Variants in OXR1 observed in about 807,000 individuals in gnomAD.
The protein encoded by OXR1 is oxidation resistance 1, also known as oxidation resistance protein 1.
Under a neutral mutation model 104.6 loss-of-function variants are expected in OXR1, and 41 were observed. The ratio of observed to expected loss-of-function variants is 0.39; its 90% CI spans 0.31 to 0.51. OXR1 has a LOEUF of 0.51. OXR1 is among the 20% of genes least tolerant of loss of function. The probability of loss-of-function intolerance (pLI) is 0.77; values close to 1 mark genes in which losing one functional copy is unlikely to be tolerated. For synonymous variants in OXR1, 348 were observed against 348.4 expected, an observed-to-expected ratio of 1.00 and a Z score of 0.01; for missense variants, 955 against 1,031.9, an observed-to-expected ratio of 0.93 and a Z score of 1.02.
chr8:106,443,638 A>G (rs1819885705), intron 2 of OXR1, among the ~76,000 whole-genome samples: 1 of 152,118 alleles, frequency 6.6e-6, no homozygotes, highest in Admixed American at 6.6e-5. Flanking sequence ...TTCTTGTTGA[A>G]TTGTTCCCTT....
At chr8:106,271,361 C>T (rs72678523) in intron 1 of OXR1, among the ~76,000 whole-genome samples, 12,481 of 152,066 alleles carry the variant, frequency 0.082, 705 homozygotes, top group East Asian at 0.24. Flanking sequence ...GCTCGGGCTT[C>T]CGTTCAGTGG....
At chr8:106,401,389 T>C (rs896395481) in intron 2 of OXR1, among the ~76,000 whole-genome samples, 1 of 152,190 alleles carries the variant, frequency 6.6e-6, no homozygotes, top group African/African-American at 2.4e-5. Flanking sequence ...TAAGGCCTGG[T>C]AACTGTTTCT....
At chr8:106,421,660 A>T (rs577063988) in intron 2 of OXR1, among the ~76,000 whole-genome samples, 1 of 152,282 alleles carries the variant, frequency 6.6e-6, no homozygotes, top group East Asian at 1.9e-4. Context: ...TTATGTTCTC[A>T]TGGTGATCTC....
intron 3 of OXR1, among the ~76,000 whole-genome samples, chr8:106,551,918 C>T (rs1003167691): frequency 3.7e-5 from 5 of 135,270 alleles, no homozygotes; most frequent in South Asian, 2.4e-4. Flanking sequence ...ATATATATAG[C>T]GGCCATGGTG....
chr8:106,420,440 G>T (rs1006701338), intron 2 of OXR1, among the ~76,000 whole-genome samples: 12 of 151,466 alleles, frequency 7.9e-5, no homozygotes, highest in African/African-American at 2.4e-4. Context: ...GTTACTTAGG[G>T]TTTTTGTCAT....
intron 1 of OXR1, among the ~76,000 whole-genome samples, chr8:106,294,365 C>A (rs118110185): frequency 0.033 from 3,931 of 120,690 alleles, 80 homozygotes; most frequent in Middle Eastern, 0.14. Context: ...CATTGCACTC[C>A]AACTTGGGCG....
At chr8:106,553,853 A>T (rs760604514) in intron 3 of OXR1, among the ~76,000 whole-genome samples, 2 of 152,024 alleles carry the variant, frequency 1.3e-5, no homozygotes, top group Non-Finnish European at 2.9e-5. Flanking sequence ...ATACTTTCTT[A>T]CCCATTACCT....
At chr8:106,574,155 TG>T (rs1191911975) in intron 3 of OXR1, among the ~76,000 whole-genome samples, 4 of 152,228 alleles carry the variant, frequency 2.6e-5, no homozygotes, top group African/African-American at 9.6e-5. Flanking sequence ...CAGCTGCTTC[TG>T]CCAGATAGAA....
chr8:106,440,319 A>G (rs1258176807), intron 2 of OXR1, among the ~76,000 whole-genome samples: 1 of 152,140 alleles, frequency 6.6e-6, no homozygotes, highest in Non-Finnish European at 1.5e-5. Flanking sequence ...CATATGGACG[A>G]CTGCACAATT....
intron 2 of OXR1, among the ~76,000 whole-genome samples, chr8:106,431,089 C>A (rs1226381890): frequency 1.3e-5 from 2 of 152,100 alleles, no homozygotes; most frequent in Non-Finnish European, 2.9e-5. Context: ...ACATAGAAGT[C>A]CAACTATCCT....
chr8:106,299,531 AC>A (rs1424379760), intron 1 of OXR1, among the ~76,000 whole-genome samples: 2 of 152,164 alleles, frequency 1.3e-5, no homozygotes, highest in East Asian at 3.9e-4. Context: ...TCCATCTGAT[AC>A]TAGGTGTGTA....
At chr8:106,489,675 TA>T (rs990940466) in intron 2 of OXR1, among the ~76,000 whole-genome samples, 2 of 152,146 alleles carry the variant, frequency 1.3e-5, no homozygotes, top group African/African-American at 2.4e-5. Flanking sequence ...ATATGGTTTT[TA>T]AAAAAATTTC....
At chr8:106,369,106 A>C (rs1423069602) in intron 2 of OXR1, among the ~76,000 whole-genome samples, 1 of 152,214 alleles carries the variant, frequency 6.6e-6, no homozygotes, top group East Asian at 1.9e-4. Context: ...GACTGGCATG[A>C]GATGGTATCT....
At chr8:106,697,866 G>A (rs899238906) in intron 7 of OXR1, 9 of 1,612,172 alleles carry the variant, frequency 5.6e-6, no homozygotes, top group East Asian at 2.2e-5. Flanking sequence ...GGAAGTTCTC[G>A]CGTCCAGGCT....
intron 2 of OXR1, among the ~76,000 whole-genome samples, chr8:106,435,059 G>A (rs979573834): frequency 6.6e-6 from 1 of 152,122 alleles, no homozygotes; most frequent in Non-Finnish European, 1.5e-5. Flanking sequence ...CTCTAAGGAA[G>A]TAACAGTCAA....
intron 3 of OXR1, among the ~76,000 whole-genome samples, chr8:106,673,794 G>T (rs375468047): frequency 3.3e-5 from 5 of 152,312 alleles, no homozygotes; most frequent in Middle Eastern, 3.4e-3. Flanking sequence ...CCAACATACA[G>T]CCCAGGCCAT....
chr8:106,537,658 G>A (rs1216222624), intron 3 of OXR1, among the ~76,000 whole-genome samples: 2 of 146,612 alleles, frequency 1.4e-5, no homozygotes, highest in African/African-American at 5.1e-5. Context: ...TTGTGCATAT[G>A]TACCCTAGAA....
intron 1 of OXR1, among the ~76,000 whole-genome samples, chr8:106,287,790 A>G (rs1205143867): frequency 6.6e-6 from 1 of 152,214 alleles, no homozygotes; most frequent in Non-Finnish European, 1.5e-5. Flanking sequence ...ATCTATAAGA[A>G]ATTTTTCTAG....
chr8:106,743,846 A>G (rs970538514), intron 15 of OXR1, among the ~76,000 whole-genome samples: 1 of 152,240 alleles, frequency 6.6e-6, no homozygotes, highest in African/African-American at 2.4e-5. Context: ...CATGGAATCA[A>G]CCTAAATGCC....
Sources: gnomAD v4.1 joint callset for allele counts (sites outside exome capture counted in the v4.1 genomes callset) on GRCh38, gnomAD v4.1.1 for gene constraint, MANE v1.5 for transcripts, NCBI Gene and HGNC (gene_info 2026-07-23, HGNC 2026-07-21) for gene names.